The following PPP1R9A variants were observed in gnomAD, a reference collection of about 807,000 sequenced individuals.
The protein encoded by PPP1R9A is neurabin-1.
A neutral mutation model predicts 141.9 loss-of-function variants in PPP1R9A; 59 were observed. That is an observed-to-expected ratio of 0.42 (90% CI 0.34 to 0.52). PPP1R9A has a LOEUF of 0.52. PPP1R9A is among the 20% of genes least tolerant of loss of function. The pLI, the probability that PPP1R9A is intolerant of heterozygous loss-of-function variation, is 0.10. For synonymous variants in PPP1R9A, 500 were observed against 569.7 expected, an observed-to-expected ratio of 0.88 and a Z score of 1.74; for missense variants, 1,444 against 1,611.9, an observed-to-expected ratio of 0.90 and a Z score of 1.78.
chr7:95,039,398 G>A (rs77171530), intron 2 of PPP1R9A, among the ~76,000 whole-genome samples: 3,830 of 151,778 alleles, frequency 0.025, 181 homozygotes, highest in African/African-American at 0.088. Context: ...GTGAAACCCC[G>A]TCTCTACTTT....
intron 2 of PPP1R9A, among the ~76,000 whole-genome samples, chr7:95,086,087 A>G (rs1263548047): frequency 6.6e-6 from 1 of 151,904 alleles, no homozygotes; most frequent in Non-Finnish European, 1.5e-5. Context: ...ATAATATTAA[A>G]ATTTAAAATA....
intron 5 of PPP1R9A, among the ~76,000 whole-genome samples, chr7:95,189,398 A>G (rs1014965480): frequency 2.0e-5 from 3 of 150,206 alleles, no homozygotes; most frequent in Non-Finnish European, 4.4e-5. Context: ...TGGCTGTTTA[A>G]CATAATCCTA....
rs775632486 is a variant in PPP1R9A, at chr7:95,203,538, A to G, written c.1891-127A>G. On this transcript the variant is annotated intron_variant, in intron 6 of 19. Transcript: ENST00000433360. ...GCATTTTTTACCAACATGCCGCAAT[A>G]TTGTCTTAGTACTTAACAGTGTGTA... 6.9e-6 allele frequency: 4 copies of G among 579,392 alleles called. No individual in the cohort carries two copies. The African/African-American group carries it at 7.6e-5, about 11-fold the overall frequency. 35.9% of individuals were successfully genotyped at this position (579,392 alleles called of 1,614,324 possible).
intron 2 of PPP1R9A, among the ~76,000 whole-genome samples, chr7:95,093,208 G>C (rs542162162): frequency 5.6e-4 from 86 of 152,228 alleles, no homozygotes; most frequent in African/African-American, 2.0e-3. Context: ...ATGCAAAACT[G>C]TAAAAGTGAC....
chr7:94,962,827 C>G (rs892770183), intron 2 of PPP1R9A, among the ~76,000 whole-genome samples: 1 of 152,076 alleles, frequency 6.6e-6, no homozygotes, highest in Non-Finnish European at 1.5e-5. Context: ...CTGCTGGAGT[C>G]AAGCTCGCAT....
intron 2 of PPP1R9A, among the ~76,000 whole-genome samples, chr7:94,946,738 G>A (rs983960089): frequency 3.3e-5 from 5 of 152,144 alleles, no homozygotes; most frequent in South Asian, 2.1e-4. Flanking sequence ...TACTTTCTGC[G>A]TTCTGAAGAT....
At chr7:95,112,223 A>G (rs1820693829) in intron 3 of PPP1R9A, among the ~76,000 whole-genome samples, 1 of 152,188 alleles carries the variant, frequency 6.6e-6, no homozygotes, top group Non-Finnish European at 1.5e-5. Context: ...AACAACAAAA[A>G]GAAAGAAACC....
intron 2 of PPP1R9A, among the ~76,000 whole-genome samples, chr7:95,038,569 A>C (rs1196034539): frequency 6.6e-6 from 1 of 152,048 alleles, no homozygotes; most frequent in African/African-American, 2.4e-5. Context: ...AGGGTGAAAG[A>C]CTGTATCAGA....
chr7:95,171,421 T>C (rs1832093257), intron 5 of PPP1R9A, among the ~76,000 whole-genome samples: 1 of 151,582 alleles, frequency 6.6e-6, no homozygotes. Flanking sequence ...ATTTTAAAAG[T>C]CAGTTTTGAA....
In PPP1R9A at chr7:95,107,965, A is replaced by G. The variant is rs1364379661; in HGVS notation, c.1396-3294A>G. ...CTCATCACTTAGTTTTATAGAGAGAAAAATGCTTGTACATTTATGGTTGGT... is the reference window on the plus strand; with the variant it reads ...CTCATCACTTAGTTTTATAGAGAGAGAAATGCTTGTACATTTATGGTTGGT... On this transcript the variant is annotated intron_variant, in intron 2 of 19. Transcript: ENST00000433360. Among the ~76,000 whole-genome samples the G allele has an allele frequency of 2.0e-5, 3 of 152,286 alleles. No individual in the cohort carries two copies. The East Asian group carries it at 5.8e-4, about 29-fold the overall frequency.
intron 2 of PPP1R9A, among the ~76,000 whole-genome samples, chr7:94,952,786 A>C (rs557985191): frequency 2.6e-5 from 4 of 151,098 alleles, no homozygotes; most frequent in Admixed American, 2.6e-4. Context: ...TCCTTCACCT[A>C]CTTTTTGATG....
chr7:95,140,298 T>C (rs1394803187), intron 4 of PPP1R9A, among the ~76,000 whole-genome samples: 2 of 152,176 alleles, frequency 1.3e-5, no homozygotes, highest in East Asian at 3.9e-4. Flanking sequence ...ACCACATGGA[T>C]CAAGTGGGAG....
chr7:95,080,125 T>C (rs1293797382), intron 2 of PPP1R9A, among the ~76,000 whole-genome samples: 1 of 152,110 alleles, frequency 6.6e-6, no homozygotes, highest in African/African-American at 2.4e-5. Context: ...GGGCATTCAA[T>C]TAGGAAAAGA....
intron 5 of PPP1R9A, among the ~76,000 whole-genome samples, chr7:95,194,602 A>G (rs1404304315): frequency 6.6e-6 from 1 of 152,070 alleles, no homozygotes; most frequent in Non-Finnish European, 1.5e-5. Context: ...GGATTAATAA[A>G]TGACTTTAGC....
At chr7:95,003,888 A>G (rs1803264012) in intron 2 of PPP1R9A, among the ~76,000 whole-genome samples, 1 of 152,214 alleles carries the variant, frequency 6.6e-6, no homozygotes, top group Admixed American at 6.5e-5. Context: ...AAGAGGAAGA[A>G]AAGGAGTGAC....
chr7:95,162,842 CTT>C (rs2152716674), intron 5 of PPP1R9A, among the ~76,000 whole-genome samples: 1 of 152,290 alleles, frequency 6.6e-6, no homozygotes, highest in African/African-American at 2.4e-5. Context: ...AAGTTTTAGA[CTT>C]TAGGCTTTTT....
rs1806457215 is a variant in PPP1R9A at position 95,292,192 on chromosome 7, T to G, written c.*1889T>G. 6.6e-6 allele frequency: 1 copy of G among 152,294 alleles called. No individual in the cohort carries two copies. The highest frequency in any genetic ancestry group is 2.4e-5 in the African/African-American group (1 of 41,450). 9.4% of individuals were successfully genotyped at this position (152,294 alleles called of 1,614,324 possible). A position where few individuals can be genotyped will look rare whatever the true frequency, so the allele number is the denominator to read the frequency against. ...AATGAAACTGCCGTATTGGATACTC[T>G]ATTAATGTCTTGAGATGTCTGGTGC... On this transcript the variant is annotated 3_prime_UTR_variant, in exon 20 of 20. Coordinates refer to ENST00000433360, the MANE Select transcript of PPP1R9A (RefSeq NM_001166160.2).
chr7:94,950,091 T>A (rs1011799219), intron 2 of PPP1R9A, among the ~76,000 whole-genome samples: 1 of 152,104 alleles, frequency 6.6e-6, no homozygotes, highest in African/African-American at 2.4e-5. Context: ...AAGTTAGGAT[T>A]TTATGGAAAG....
chr7:94,980,605 G>GT (rs377511617), intron 2 of PPP1R9A, among the ~76,000 whole-genome samples: 44,913 of 139,160 alleles, frequency 0.32, 8,160 homozygotes, highest in Middle Eastern at 0.44. Flanking sequence ...CCAGTTTAGT[G>GT]TTTTTTTTTT....
Sources: gnomAD v4.1 joint callset for allele counts (sites outside exome capture counted in the v4.1 genomes callset) on GRCh38, gnomAD v4.1.1 for gene constraint, MANE v1.5 for transcripts, NCBI Gene and HGNC (gene_info 2026-07-23, HGNC 2026-07-21) for gene names.